Variants in RUNX2 observed in about 807,000 individuals in gnomAD.
The protein encoded by RUNX2 is runt-related transcription factor 2.
In RUNX2, 10 loss-of-function variants were observed where a neutral mutation model predicts 51.7. That is an observed-to-expected ratio of 0.19 (90% CI 0.12 to 0.33). RUNX2 has a LOEUF of 0.33. RUNX2 is among the 10% of genes least tolerant of loss of function. The probability of loss-of-function intolerance (pLI) is 1.00; values close to 1 mark genes in which losing one functional copy is unlikely to be tolerated. For missense variants in RUNX2, 562 were observed against 691.3 expected, an observed-to-expected ratio of 0.81 and a Z score of 2.10; for synonymous variants, 276 against 273.6, an observed-to-expected ratio of 1.01 and a Z score of -0.09.
In RUNX2 at chr6:45,548,084, T is replaced by C. The variant is rs1802459969; in HGVS notation, c.*779T>C. 6.6e-6 allele frequency: 1 copy of C among 152,668 alleles called. No homozygotes were observed. Among genetic ancestry groups the C allele is most frequent in the Admixed American group, 6.5e-5 (1 of 15,280 alleles). The allele number at this position is 152,668 out of a possible 1,614,324, so 9.5% of individuals were successfully genotyped here. A position where few individuals can be genotyped will look rare whatever the true frequency, so the allele number is the denominator to read the frequency against. ...AAATGGCAATACATTATTATAGCCA[T>C]AATGGTATAGATAGTGATTGCGTTT... is the stretch of plus-strand genomic sequence containing the variant. On this transcript the variant is annotated 3_prime_UTR_variant, in exon 9 of 9. Coordinates refer to ENST00000647337, the MANE Select transcript of RUNX2 (RefSeq NM_001024630.4).
chr6:45,495,161 G>C (rs1043350194), intron 6 of RUNX2, among the ~76,000 whole-genome samples: 1 of 152,228 alleles, frequency 6.6e-6, no homozygotes, highest in African/African-American at 2.4e-5. Context: ...TAAGGATACT[G>C]TGTATTCATC....
intron 2 of RUNX2, among the ~76,000 whole-genome samples, chr6:45,371,291 G>A (rs1796023003): frequency 6.6e-6 from 1 of 151,810 alleles, no homozygotes; most frequent in South Asian, 2.1e-4. Context: ...TTTAAAAACA[G>A]TTTATGTGAC....
chr6:45,441,704 T>G (rs989761822), intron 5 of RUNX2, among the ~76,000 whole-genome samples: 5 of 152,208 alleles, frequency 3.3e-5, no homozygotes, highest in African/African-American at 1.2e-4. Context: ...TTTTGCTCAT[T>G]AGTAAATGAC....
rs376891808 is a variant in RUNX2 at position 45,492,007 on chromosome 6, G to A, written c.752G>A (p.Arg251His). 28 of 1,613,844 alleles carry A rather than the reference G, an allele frequency of 1.7e-5. No individual in the cohort carries two copies. Among genetic ancestry groups the A allele is most frequent in the Middle Eastern group, 1.7e-4 (1 of 6,054 alleles). ...TCTGACCGCCTCAGTGATTTAGGGC[G>A]CATTCCTCATCCCAGTATGAGAGTA... ...LFSDRLSDLG[R>H]IPHPSMRVGV... Residue 251 changes from arginine (R) to histidine (H), a missense_variant, in exon 6 of 9, where the codon CGC becomes CAC. Coordinates refer to ENST00000647337, the MANE Select transcript of RUNX2 (RefSeq NM_001024630.4).
At chr6:45,494,905 A>G (rs892060903) in intron 6 of RUNX2, among the ~76,000 whole-genome samples, 3 of 152,134 alleles carry the variant, frequency 2.0e-5, no homozygotes, top group Non-Finnish European at 4.4e-5. Flanking sequence ...AGTTGAAGAG[A>G]TAGTTATCCT....
chr6:45,411,910 C>T (rs1448107224), intron 2 of RUNX2, among the ~76,000 whole-genome samples: 1 of 152,124 alleles, frequency 6.6e-6, no homozygotes, highest in East Asian at 1.9e-4. Flanking sequence ...AGCTTAAGAT[C>T]TGGAACATCT....
intron 7 of RUNX2, among the ~76,000 whole-genome samples, chr6:45,531,625 C>T (rs1456179249): frequency 1.3e-5 from 2 of 151,962 alleles, no homozygotes; most frequent in Non-Finnish European, 2.9e-5. Context: ...TGGTGGTGCG[C>T]ACCTGTAGTC....
intron 7 of RUNX2, among the ~76,000 whole-genome samples, chr6:45,538,877 C>T (rs775841186): frequency 5.3e-5 from 8 of 152,140 alleles, no homozygotes; most frequent in African/African-American, 9.7e-5. Flanking sequence ...GCCACGGCAC[C>T]GTGGGTGGCC....
intron 5 of RUNX2, among the ~76,000 whole-genome samples, chr6:45,490,156 A>T (rs1800418451): frequency 6.6e-6 from 1 of 152,196 alleles, no homozygotes; most frequent in Non-Finnish European, 1.5e-5. Flanking sequence ...CAGTCACTTC[A>T]TAGGTGAACA....
chr6:45,520,201 A>T (rs967609949), intron 7 of RUNX2, among the ~76,000 whole-genome samples: 1 of 151,918 alleles, frequency 6.6e-6, no homozygotes, highest in African/African-American at 2.4e-5. Flanking sequence ...CTTATCTTCC[A>T]TTTTCCTTTT....
At chr6:45,334,078 A>G (rs1383598369) in intron 2 of RUNX2, among the ~76,000 whole-genome samples, 1 of 151,256 alleles carries the variant, frequency 6.6e-6, no homozygotes, top group African/African-American at 2.4e-5. Flanking sequence ...AAACAGTTTA[A>G]AGACTCTTTT....
At chr6:45,403,724 C>CA (rs1459466621) in intron 2 of RUNX2, among the ~76,000 whole-genome samples, 6 of 151,546 alleles carry the variant, frequency 4.0e-5, no homozygotes, top group South Asian at 4.2e-4. Context: ...CAATAGTAAA[C>CA]AAAAAAAACA....
Position 45,547,374 on chromosome 6 carries a change from G to T in RUNX2, c.*69G>T, listed in dbSNP as rs562720936. 1.8e-5 allele frequency: 22 copies of T among 1,206,568 alleles called. No individual in the cohort carries two copies. Among genetic ancestry groups the T allele is most frequent in the Admixed American group, 6.7e-5 (4 of 59,418 alleles). 74.7% of individuals were successfully genotyped at this position (1,206,568 alleles called of 1,614,324 possible). A position where few individuals can be genotyped will look rare whatever the true frequency, so the allele number is the denominator to read the frequency against. On this transcript the variant is annotated 3_prime_UTR_variant, in exon 9 of 9. Transcript: ENST00000647337. ...ACACGTATCAATATATACATATATA[G>T]AGAGAGTGCATATATATGTATATCG...
At chr6:45,390,612 T>A (rs534426278) in intron 2 of RUNX2, among the ~76,000 whole-genome samples, 1 of 152,272 alleles carries the variant, frequency 6.6e-6, no homozygotes, top group South Asian at 2.1e-4. Flanking sequence ...ATTGAACAGA[T>A]CACTCATTTG....
In RUNX2 at chr6:45,432,932, A is replaced by G. The variant is rs1257804515; in HGVS notation, c.580+913A>G. On this transcript the variant is annotated intron_variant, in intron 4 of 8. Transcript: ENST00000647337. ...ACCACTTTAGAACTGAGGTGAAATA[A>G]AGCCTTATGGAATCATTGCAACCCA... 2.0e-5 allele frequency among the ~76,000 whole-genome samples: 3 copies of G among 152,214 alleles called. No homozygotes were observed. The East Asian group carries it at 5.8e-4, about 29-fold the overall frequency.
intron 2 of RUNX2, among the ~76,000 whole-genome samples, chr6:45,407,647 C>A (rs1025943869): frequency 6.6e-6 from 1 of 151,920 alleles, no homozygotes; most frequent in Admixed American, 6.6e-5. Flanking sequence ...AACATGCCAA[C>A]CAAGCCCAGC....
At chr6:45,538,752 C>T (rs186484785) in intron 7 of RUNX2, among the ~76,000 whole-genome samples, 1 of 151,782 alleles carries the variant, frequency 6.6e-6, no homozygotes, top group East Asian at 1.9e-4. Flanking sequence ...GAAACTGATT[C>T]TCTGAAAGTG....
At chr6:45,501,805 G>A (rs950499202) in intron 6 of RUNX2, among the ~76,000 whole-genome samples, 1 of 152,162 alleles carries the variant, frequency 6.6e-6, no homozygotes, top group Non-Finnish European at 1.5e-5. Context: ...GAAGTTCTTT[G>A]CACACTGGCT....
chr6:45,452,177 C>T (rs935754185), intron 5 of RUNX2, among the ~76,000 whole-genome samples: 1 of 152,198 alleles, frequency 6.6e-6, no homozygotes, highest in Non-Finnish European at 1.5e-5. Context: ...TTTGTCTGTT[C>T]CTCCCTATGG....
Sources: allele counts gnomAD v4.1 joint callset (sites outside exome capture counted in the v4.1 genomes callset), GRCh38; gene constraint gnomAD v4.1.1; transcripts MANE v1.5; gene names NCBI Gene and HGNC (gene_info 2026-07-23, HGNC 2026-07-21).